Variants in BIVM observed in about 807,000 individuals in gnomAD.
The protein encoded by BIVM is basic, immunoglobulin-like variable motif containing.
In BIVM, 31 loss-of-function variants were observed where a neutral mutation model predicts 61.4. The observed-to-expected ratio is 0.51, with a 90% CI of 0.38 to 0.68. BIVM has a LOEUF of 0.68. Among genes scored for constraint, BIVM ranks in the 30% least tolerant of loss-of-function variants. BIVM has a pLI of 0.00. For missense variants in BIVM, 526 were observed against 596.0 expected (o/e 0.88, Z 1.22); for synonymous variants, 189 against 210.7 (o/e 0.90, Z 0.89).
intron 4 of BIVM, chr13:102,820,786 T>C: frequency 2.5e-6 from 1 of 397,744 alleles, no homozygotes; most frequent in East Asian, 5.7e-5. Context: ...ATTATTTTTT[T>C]TCCCATTGGT....
intron 3 of BIVM, among the ~76,000 whole-genome samples, chr13:102,811,075 A>G (rs1408666888): frequency 6.6e-6 from 1 of 152,282 alleles, no homozygotes; most frequent in Non-Finnish European, 1.5e-5. Flanking sequence ...AAAATGTATT[A>G]GTCTCATAAA....
chr13:102,833,602 C>T (rs1029995901), intron 8 of BIVM, among the ~76,000 whole-genome samples: 6 of 152,016 alleles, frequency 3.9e-5, no homozygotes, highest in Admixed American at 6.6e-5. Context: ...GGATTATAGA[C>T]GTGAGCCACC....
intron 10 of BIVM, 70 bp downstream of exon 10, chr13:102,838,809 C>A: frequency 7.1e-7 from 1 of 1,402,722 alleles, no homozygotes; most frequent in South Asian, 1.3e-5. Flanking sequence ...ACTTAGCACT[C>A]TTTAGGTTGC....
In BIVM at chr13:102,807,164, T is replaced by G. The variant is rs948927329; in HGVS notation, c.-104T>G. ...CTCTTAGGAGCTCATTTTGCAGCTC[T>G]CAAGCTTTTATAGCATGCTGTAAAC... On this transcript the variant is annotated 5_prime_UTR_variant, in exon 3 of 11. Coordinates refer to ENST00000257336, the MANE Select transcript of BIVM (RefSeq NM_017693.4). The surrounding 1 kb of genome is among the most constrained non-coding windows in gnomAD (Gnocchi z 4.0). The G allele has an allele frequency of 5.5e-6, 7 of 1,277,632 alleles. No individual in the cohort carries two copies. The African/African-American group carries it at 1.0e-4, about 19-fold the overall frequency. 79.1% of individuals were successfully genotyped at this position (1,277,632 alleles called of 1,614,324 possible). A position where few individuals can be genotyped will look rare whatever the true frequency, so the allele number is the denominator to read the frequency against.
intron 3 of BIVM, among the ~76,000 whole-genome samples, chr13:102,812,754 G>A (rs781354265): frequency 6.6e-6 from 1 of 152,180 alleles, no homozygotes; most frequent in African/African-American, 2.4e-5. Flanking sequence ...CCACACCAAA[G>A]GTGCTGGCCC....
chr13:102,804,976 T>G (rs1878969093), intron 1 of BIVM, among the ~76,000 whole-genome samples: 1 of 152,176 alleles, frequency 6.6e-6, no homozygotes, highest in African/African-American at 2.4e-5. Flanking sequence ...CTCATAGGCT[T>G]TCGTTGTTCA....
At chr13:102,809,667 CAG>C (rs1879342473) in intron 3 of BIVM, among the ~76,000 whole-genome samples, 1 of 152,138 alleles carries the variant, frequency 6.6e-6, no homozygotes, top group Non-Finnish European at 1.5e-5. Flanking sequence ...TGTCTAATAA[CAG>C]AAAATTTACT....
At position 102,807,902 on chromosome 13, in the gene BIVM, T is replaced by A. The variant is rs1443679763; in HGVS notation, c.478+157T>A. On this transcript the variant is annotated intron_variant, in intron 3 of 10. Transcript: ENST00000257336. The surrounding 1 kb of genome is among the most constrained non-coding windows in gnomAD (Gnocchi z 4.0). ...TCAATGTAGTTTTAGGAAAGTAACC[T>A]TGACGTAGGGCATGTAGTTCATTGC... Among the ~76,000 whole-genome samples the A allele has an allele frequency of 6.6e-6, 1 of 152,174 alleles. No homozygotes were observed. Among genetic ancestry groups the A allele is most frequent in the Non-Finnish European group, 1.5e-5 (1 of 68,038 alleles).
chr13:102,837,703 C>T (rs1169194900), intron 9 of BIVM, among the ~76,000 whole-genome samples: 3 of 152,154 alleles, frequency 2.0e-5, no homozygotes, highest in East Asian at 1.9e-4. Context: ...TATATTACCA[C>T]GGAATACTAC....
At chr13:102,834,310 G>A (rs1045038250) in intron 8 of BIVM, among the ~76,000 whole-genome samples, 156 bp from the exon 9 acceptor site, 3 of 152,136 alleles carry the variant, frequency 2.0e-5, no homozygotes, top group Non-Finnish European at 4.4e-5. Context: ...TTAATGGCCT[G>A]TAGAAATTTG....
chr13:102,813,877 T>C (rs538407338), intron 3 of BIVM, among the ~76,000 whole-genome samples: 2 of 152,326 alleles, frequency 1.3e-5, no homozygotes, highest in African/African-American at 4.8e-5. Context: ...GCCAAATTTA[T>C]ACACAGAATT....
Position 102,807,699 on chromosome 13 carries a change from T to C in BIVM, c.432T>C (p.Asp144=), listed in dbSNP as rs1219400873. ...LGKLPLAWEI[D]KSEFDGVTTN... ...AGCTACCTCTCGCATGGGAAATTGATAAATCTGAATTTGATGGGGTGACCA... is the reference window on the plus strand; with the variant it reads ...AGCTACCTCTCGCATGGGAAATTGACAAATCTGAATTTGATGGGGTGACCA... Residue 144 remains aspartate (D), a synonymous_variant, in exon 3 of 11, where the codon GAT becomes GAC. Transcript: ENST00000257336. The surrounding 1 kb of genome is among the most constrained non-coding windows in gnomAD (Gnocchi z 4.0). The C allele has an allele frequency of 1.2e-6, 2 of 1,613,836 alleles. No homozygotes were observed. The highest frequency in any genetic ancestry group is 2.2e-5 in the East Asian group (1 of 44,888).
At chr13:102,821,943 C>G in intron 6 of BIVM, 96 bp downstream of exon 6, 1 of 1,532,956 alleles carries the variant, frequency 6.5e-7, no homozygotes, top group Non-Finnish European at 9.0e-7. Context: ...TATCCAGCTG[C>G]TGGGCTTCAA....
intron 1 of BIVM, chr13:102,800,492 G>T (rs1878683023): frequency 6.6e-6 from 1 of 152,212 alleles, no homozygotes; most frequent in Admixed American, 6.5e-5. Flanking sequence ...GAGCGCAGCC[G>T]CGCTCCTTCC....
At chr13:102,808,241 C>T (rs1043483505) in intron 3 of BIVM, among the ~76,000 whole-genome samples, 15 of 152,152 alleles carry the variant, frequency 9.9e-5, no homozygotes, top group African/African-American at 2.7e-4. Flanking sequence ...ATGCTGTTTA[C>T]CGAGGTTGTG....
chr13:102,825,004 G>A (rs973093661), intron 7 of BIVM, among the ~76,000 whole-genome samples: 12 of 151,764 alleles, frequency 7.9e-5, no homozygotes, highest in Admixed American at 6.5e-4. Flanking sequence ...GTTCAGTGGC[G>A]CGATCTTGGC....
At chr13:102,828,644 G>A (rs898224666) in intron 7 of BIVM, among the ~76,000 whole-genome samples, 8 of 152,144 alleles carry the variant, frequency 5.3e-5, no homozygotes, top group African/African-American at 1.9e-4. Flanking sequence ...GAGCTGTTTG[G>A]TGCTTGCTTA....
At chr13:102,837,915 G>A (rs1264165263) in intron 9 of BIVM, among the ~76,000 whole-genome samples, 2 of 152,130 alleles carry the variant, frequency 1.3e-5, no homozygotes, top group Non-Finnish European at 2.9e-5. Flanking sequence ...TCTGGGAGGC[G>A]GGTGAGAGAT....
chr13:102,823,236 T>A (rs1034455766), intron 7 of BIVM, among the ~76,000 whole-genome samples: 5 of 152,146 alleles, frequency 3.3e-5, no homozygotes, highest in African/African-American at 9.7e-5. Context: ...GGGTATATGG[T>A]TTACCAAGGT....
Sources: allele counts gnomAD v4.1 joint callset (sites outside exome capture counted in the v4.1 genomes callset), GRCh38; gene constraint gnomAD v4.1.1; non-coding constraint Gnocchi (gnomAD v3.1); transcripts MANE v1.5; gene names NCBI Gene and HGNC (gene_info 2026-07-23, HGNC 2026-07-21).